MYOG: variants seen among roughly 807,000 people sequenced by gnomAD.
MYOG encodes myogenin.
A neutral mutation model predicts 17.7 loss-of-function variants in MYOG; 6 were observed. The ratio of observed to expected loss-of-function variants is 0.34; its 90% CI spans 0.19 to 0.67. The LOEUF (loss-of-function observed/expected upper bound fraction) is 0.67, where lower values mean the gene tolerates loss of function less well. Among genes scored for constraint, MYOG ranks in the 30% least tolerant of loss-of-function variants. MYOG has a pLI of 0.69. For synonymous variants in MYOG, 125 were observed against 130.2 expected (o/e 0.96, Z 0.27); for missense variants, 272 against 302.0 (o/e 0.90, Z 0.74).
rs907962409 is a variant in MYOG at position 203,083,714 on chromosome 1, A to G, written c.*196T>C. On this transcript the variant is annotated 3_prime_UTR_variant, in exon 3 of 3. Coordinates refer to ENST00000241651, the MANE Select transcript of MYOG (RefSeq NM_002479.6). ...CCCTCTCCTCTAAGGAGGCAGCTGA[A>G]TGAGGGCGTCCAGTCCCTTGCTGGG... 2 of 779,820 alleles carry G rather than the reference A, an allele frequency of 2.6e-6. No homozygotes were observed. The highest frequency in any genetic ancestry group is 2.8e-5 in the Admixed American group (1 of 35,728). The allele number at this position is 779,820 out of a possible 1,614,324, so 48.3% of individuals were successfully genotyped here.
At position 203,083,560 on chromosome 1, in the gene MYOG, G is replaced by A. The variant is rs191088444; in HGVS notation, c.*350C>T. The A allele has an allele frequency of 2.0e-4, 102 of 518,022 alleles. No individual in the cohort carries two copies. The East Asian group carries it at 2.5e-3, about 13-fold the overall frequency. The allele number at this position is 518,022 out of a possible 1,614,324, so 32.1% of individuals were successfully genotyped here. A position where few individuals can be genotyped will look rare whatever the true frequency, so the allele number is the denominator to read the frequency against. On this transcript the variant is annotated 3_prime_UTR_variant, in exon 3 of 3. Coordinates refer to ENST00000241651, the MANE Select transcript of MYOG (RefSeq NM_002479.6). ...GTCAGGGCACTGCGTCTCTCAAACC[G>A]TTTCACTTGGGGGGTGGAATTAGAG... is the stretch of plus-strand genomic sequence containing the variant.
In MYOG at chr1:203,083,628, A is replaced by G; in HGVS notation, c.*282T>C. 1 of 560,560 alleles carries G rather than the reference A, an allele frequency of 1.8e-6. No homozygotes were observed. Among genetic ancestry groups the G allele is most frequent in the Non-Finnish European group, 3.2e-6 (1 of 315,266 alleles). 34.7% of individuals were successfully genotyped at this position (560,560 alleles called of 1,614,324 possible). A position where few individuals can be genotyped will look rare whatever the true frequency, so the allele number is the denominator to read the frequency against. On this transcript the variant is annotated 3_prime_UTR_variant, in exon 3 of 3. Coordinates refer to ENST00000241651, the MANE Select transcript of MYOG (RefSeq NM_002479.6). ...AGGAAGCTCCTGAGTTTGCCCCCTG[A>G]GCTGGGGCATACACGAGGGGGCGCT... is the stretch of plus-strand genomic sequence containing the variant.
At chr1:203,085,286 C>A (rs1314017556) in intron 1 of MYOG, among the ~76,000 whole-genome samples, 1 of 152,236 alleles carries the variant, frequency 6.6e-6, no homozygotes, top group Non-Finnish European at 1.5e-5. Context: ...TTCCTCCCCA[C>A]TGCCTTTATC....
At chr1:203,084,388 G>A (rs912246424) in intron 2 of MYOG, among the ~76,000 whole-genome samples, 2 of 152,094 alleles carry the variant, frequency 1.3e-5, no homozygotes, top group Non-Finnish European at 2.9e-5. Flanking sequence ...CTGGGGCAGG[G>A]ACATTGTCCT....
At position 203,083,511 on chromosome 1, in the gene MYOG, A is replaced by G. The variant is rs1653539113; in HGVS notation, c.*399T>C. On this transcript the variant is annotated 3_prime_UTR_variant, in exon 3 of 3. Transcript: ENST00000241651. ...ACTGGCATCGGGAAGAGACCAGAAC[A>G]GGAGACGTGCACAGCTTGTCCAGGT... 2.2e-6 allele frequency: 1 copy of G among 453,648 alleles called. No homozygotes were observed. Among genetic ancestry groups the G allele is most frequent in the African/African-American group, 1.9e-5 (1 of 51,916 alleles). The allele number at this position is 453,648 out of a possible 1,614,324, so 28.1% of individuals were successfully genotyped here. A position where few individuals can be genotyped will look rare whatever the true frequency, so the allele number is the denominator to read the frequency against.
At position 203,084,195 on chromosome 1, in the gene MYOG, A is replaced by AGTGTGTGTGTGTGTGTGTGTGTGTGTGT. The variant is rs3835486; in HGVS notation, c.554-192_554-165dup. On this transcript the variant is annotated intron_variant, in intron 2 of 2. Transcript: ENST00000241651. The stretch of plus-strand genomic sequence containing the variant: ...TCCCTGCCTTTCCCCATGCTCTGTG[A>AGTGTGTGTGTGTGTGTGTGTGTGTGTGT]GTGTGTGTGTGTGTGTGTGTGTGTG... Among the ~76,000 whole-genome samples the AGTGTGTGTGTGTGTGTGTGTGTGTGTGT allele has an allele frequency of 6.6e-4, 90 of 135,486 alleles. 2 individuals are homozygous for AGTGTGTGTGTGTGTGTGTGTGTGTGTGT. Among genetic ancestry groups the AGTGTGTGTGTGTGTGTGTGTGTGTGTGT allele is most frequent in the Admixed American group, 2.0e-3 (27 of 13,442 alleles). The allele number at this position is 135,486 out of a possible 152,430, so 88.9% of individuals were successfully genotyped here. A position where few individuals can be genotyped will look rare whatever the true frequency, so the allele number is the denominator to read the frequency against.
chr1:203,084,001 G>A lies in MYOG; in HGVS notation c.584C>T (p.Ala195Val). 6.3e-7 allele frequency: 1 copy of A among 1,596,218 alleles called. No individual in the cohort carries two copies. Among genetic ancestry groups the A allele is most frequent in the Non-Finnish European group, 8.5e-7 (1 of 1,171,110 alleles). Reference protein sequence around the residue: ...DHLLTADPTDAHNLHSLTSIV... With the variant: ...DHLLTADPTDVHNLHSLTSIV... The stretch of plus-strand genomic sequence containing the variant: ...GGAGGTGAGGGAGTGCAGGTTGTGG[G>A]CATCTGTAGGGTCAGCCGTGAGCAG... Residue 195 changes from alanine (A) to valine (V), a missense_variant, in exon 3 of 3, where the codon GCC (alanine) becomes GTC (valine). Physicochemically the swap from Ala to Val is moderately conservative, Grantham distance 64 (BLOSUM62 0). Coordinates refer to ENST00000241651, the MANE Select transcript of MYOG (RefSeq NM_002479.6).
At chr1:203,084,829 G>A (rs1298702337) in intron 1 of MYOG, 101 bp from the exon 2 acceptor site, 1 of 1,243,372 alleles carries the variant, frequency 8.0e-7, no homozygotes, top group African/African-American at 1.5e-5. Context: ...TGGGGTTGGA[G>A]GGTGGGCCAC....
intron 1 of MYOG, 49 bp downstream of exon 1, chr1:203,085,439 GCCT>G: frequency 6.7e-7 from 1 of 1,495,964 alleles, no homozygotes; most frequent in Non-Finnish European, 9.0e-7. Context: ...CTGTCCAGGT[GCCT>G]CCCTCTGGCC....
rs1340178432 is a variant in MYOG, at chr1:203,084,715, C to G, written c.485G>C (p.Cys162Ser). The change falls in exon 2 of 3, where the codon TGC becomes TCC. Residue 162 changes from cysteine (C) to serine (S), a missense_variant. Transcript: ENST00000241651. ...ACTGCAGGAGGCGCTGTGAGAGCTG[C>G]ATTCGCTGGGCACCTGCAAGACAGG... is the stretch of plus-strand genomic sequence containing the variant. ...GGPQPGVPSE[C>S]SSHSASCSPE... The G allele has an allele frequency of 1.2e-6, 2 of 1,609,522 alleles. No individual in the cohort carries two copies. The highest frequency in any genetic ancestry group is 1.7e-6 in the Non-Finnish European group (2 of 1,177,992).
Position 203,084,051 on chromosome 1 carries a change from G to T in MYOG, c.554-20C>A. The T allele has an allele frequency of 1.3e-6, 2 of 1,590,356 alleles. No homozygotes were observed. Among genetic ancestry groups the T allele is most frequent in the Admixed American group, 1.8e-5 (1 of 56,290 alleles). ...GATGATCTGTAAGGGGAGGTGGGAA[G>T]GTGGTACCTGGGTGAGCAGTGGGGG... is the stretch of plus-strand genomic sequence containing the variant. On this transcript the variant is annotated intron_variant, in intron 2 of 2. Coordinates refer to ENST00000241651, the MANE Select transcript of MYOG (RefSeq NM_002479.6).
rs200114520 is a variant in MYOG, at chr1:203,084,702, G to A, written c.498C>T (p.Ser166=). The A allele has an allele frequency of 1.4e-4, 225 of 1,610,942 alleles. No homozygotes were observed. The highest frequency in any genetic ancestry group is 1.8e-4 in the Non-Finnish European group (215 of 1,178,564). Residue 166 remains serine (S), a synonymous_variant, in exon 2 of 3, where the codon AGC becomes AGT. Transcript: ENST00000241651. ...PGVPSECSSH[S]ASCSPEWGSA... is the part of the protein sequence containing the mutation. Reference sequence around the variant, plus strand: ...TGCCCCACTCTGGACTGCAGGAGGCGCTGTGAGAGCTGCATTCGCTGGGCA... The same window carrying A: ...TGCCCCACTCTGGACTGCAGGAGGCACTGTGAGAGCTGCATTCGCTGGGCA...
chr1:203,083,730 C>T lies in MYOG; in HGVS notation c.*180G>A. Reference sequence around the variant, plus strand: ...GGCAGCTGAATGAGGGCGTCCAGTCCCTTGCTGGGGGGTGGGTTAACCTTA... The same window carrying T: ...GGCAGCTGAATGAGGGCGTCCAGTCTCTTGCTGGGGGGTGGGTTAACCTTA... On this transcript the variant is annotated 3_prime_UTR_variant, in exon 3 of 3. Transcript: ENST00000241651. The T allele has an allele frequency of 1.1e-6, 1 of 905,242 alleles. No homozygotes were observed. Among genetic ancestry groups the T allele is most frequent in the South Asian group, 1.6e-5 (1 of 60,960 alleles). The allele number at this position is 905,242 out of a possible 1,614,324, so 56.1% of individuals were successfully genotyped here. A position where few individuals can be genotyped will look rare whatever the true frequency, so the allele number is the denominator to read the frequency against.
In MYOG at chr1:203,085,975, G is replaced by A; in HGVS notation, c.-14C>T. ...ATACAGCTCCATGGGGTCGGAAAAGGCTTGTTCCTGCCACCAGCCCCCAAG... is the reference window on the plus strand; with the variant it reads ...ATACAGCTCCATGGGGTCGGAAAAGACTTGTTCCTGCCACCAGCCCCCAAG... On this transcript the variant is annotated 5_prime_UTR_variant, in exon 1 of 3. Coordinates refer to ENST00000241651, the MANE Select transcript of MYOG (RefSeq NM_002479.6). 2.0e-6 allele frequency: 3 copies of A among 1,515,200 alleles called. No homozygotes were observed. The highest frequency in any genetic ancestry group is 1.3e-5 in the South Asian group (1 of 76,418). 93.9% of individuals were successfully genotyped at this position (1,515,200 alleles called of 1,614,324 possible). A position where few individuals can be genotyped will look rare whatever the true frequency, so the allele number is the denominator to read the frequency against.
chr1:203,084,063 G>T, intron 2 of MYOG, 32 bp from the exon 3 acceptor site: 1 of 1,584,772 alleles, frequency 6.3e-7, no homozygotes, highest in Non-Finnish European at 8.6e-7. Flanking sequence ...TGGTACCTGG[G>T]TGAGCAGTGG....
At chr1:203,084,195 A>AGAGTGTGTGTGTGTGTGTGT (rs1553263706) in intron 2 of MYOG, among the ~76,000 whole-genome samples, 164 bp from the exon 3 acceptor site, 2 of 135,414 alleles carry the variant, frequency 1.5e-5, no homozygotes, top group Admixed American at 7.4e-5. Flanking sequence ...ATGCTCTGTG[A>AGAGTGTGTGTGTGTGTGTGT]GTGTGTGTGT....
At chr1:203,084,386 G>A (rs562205879) in intron 2 of MYOG, among the ~76,000 whole-genome samples, 1 of 152,222 alleles carries the variant, frequency 6.6e-6, no homozygotes, top group East Asian at 1.9e-4. Context: ...CCCTGGGGCA[G>A]GGACATTGTC....
chr1:203,083,587 C>G lies in MYOG; in HGVS notation c.*323G>C. 1 of 530,608 alleles carries G rather than the reference C, an allele frequency of 1.9e-6. No homozygotes were observed. The highest frequency in any genetic ancestry group is 3.4e-5 in the South Asian group (1 of 29,522). The allele number at this position is 530,608 out of a possible 1,614,324, so 32.9% of individuals were successfully genotyped here. On this transcript the variant is annotated 3_prime_UTR_variant, in exon 3 of 3. Transcript: ENST00000241651. ...TTCACTTGGGGGGTGGAATTAGAGG[C>G]CGCGTTATGATAAAAAGGAAGCTCC...
rs1356993372 is a variant in MYOG at position 203,085,617 on chromosome 1, C to T, written c.345G>A (p.Arg115=). 1 of 1,614,188 alleles carries T rather than the reference C, an allele frequency of 6.2e-7. No homozygotes were observed. The highest frequency in any genetic ancestry group is 2.2e-5 in the East Asian group (1 of 44,872). The change falls in exon 1 of 3, where the codon CGG becomes CGA. Residue 115 remains arginine (R), a synonymous_variant. Coordinates refer to ENST00000241651, the MANE Select transcript of MYOG (RefSeq NM_002479.6). The part of the protein sequence containing the change: ...KRSTLLNPNQ[R]LPKVEILRSA... ...TGCGCAGGATCTCCACCTTGGGCAGCCGCTGGTTGGGGTTGAGCAGGGTGC... is the reference window on the plus strand; with the variant it reads ...TGCGCAGGATCTCCACCTTGGGCAGTCGCTGGTTGGGGTTGAGCAGGGTGC...
Sources: allele counts gnomAD v4.1 joint callset (sites outside exome capture counted in the v4.1 genomes callset), GRCh38; gene constraint gnomAD v4.1.1; transcripts MANE v1.5; gene names NCBI Gene and HGNC (gene_info 2026-07-23, HGNC 2026-07-21).